Variants in ADD3 observed in about 807,000 individuals in gnomAD.
The protein encoded by ADD3 is gamma-adducin.
In ADD3, 25 loss-of-function variants were observed where a neutral mutation model predicts 80.2. The ratio of observed to expected loss-of-function variants is 0.31; its 90% CI spans 0.23 to 0.44. The LOEUF (loss-of-function observed/expected upper bound fraction) is 0.44. Ranked by LOEUF, ADD3 falls within the 20% of genes least tolerant of loss-of-function variation. The probability of loss-of-function intolerance (pLI) is 1.00; values close to 1 mark genes in which losing one functional copy is unlikely to be tolerated. For synonymous variants in ADD3, 284 were observed against 289.6 expected (o/e 0.98, Z 0.20); for missense variants, 829 against 847.5 (o/e 0.98, Z 0.27).
intron 1 of ADD3, among the ~76,000 whole-genome samples, chr10:110,092,251 A>G (rs184221526): frequency 6.6e-6 from 1 of 152,334 alleles, no homozygotes; most frequent in Admixed American, 6.5e-5. Context: ...ATTCTACCAA[A>G]AAGACACAAG....
At chr10:110,092,661 C>T (rs1456998054) in intron 1 of ADD3, among the ~76,000 whole-genome samples, 3 of 152,154 alleles carry the variant, frequency 2.0e-5, no homozygotes, top group African/African-American at 7.2e-5. Flanking sequence ...GTACTCCAAA[C>T]CCCAATGCCG....
At chr10:110,100,417 A>G (rs1040005084) in intron 1 of ADD3, among the ~76,000 whole-genome samples, 2 of 151,576 alleles carry the variant, frequency 1.3e-5, no homozygotes, top group Non-Finnish European at 2.9e-5. Context: ...AGTTTCTGTT[A>G]GCTCTGAAAA....
chr10:110,013,490 A>T (rs1281052231), intron 1 of ADD3, among the ~76,000 whole-genome samples: 1 of 152,136 alleles, frequency 6.6e-6, no homozygotes, highest in African/African-American at 2.4e-5. Context: ...ATTTCCCTCA[A>T]CCAGCTAGGA....
At chr10:110,112,257 A>T (rs1850133338) in intron 2 of ADD3, 1 of 152,586 alleles carries the variant, frequency 6.6e-6, no homozygotes, top group African/African-American at 2.4e-5. Flanking sequence ...AGTAGCTGGG[A>T]TTACAGGCAT....
intron 1 of ADD3, among the ~76,000 whole-genome samples, chr10:110,039,709 G>A (rs914804768): frequency 6.6e-6 from 1 of 152,200 alleles, no homozygotes; most frequent in Non-Finnish European, 1.5e-5. Context: ...AGCTTTGCTG[G>A]GTTCTGGCTC....
chr10:110,068,133 T>C (rs1844203071), intron 1 of ADD3, among the ~76,000 whole-genome samples: 1 of 152,196 alleles, frequency 6.6e-6, no homozygotes, highest in African/African-American at 2.4e-5. Flanking sequence ...CCACAGTTAC[T>C]TGATCCCCTT....
At chr10:110,085,965 C>T (rs1172378609) in intron 1 of ADD3, among the ~76,000 whole-genome samples, 1 of 151,942 alleles carries the variant, frequency 6.6e-6, no homozygotes, top group Admixed American at 6.6e-5. Flanking sequence ...ATTAGCTGGG[C>T]GTGGTGGTAC....
rs369694338 is a variant in ADD3 at position 110,090,392 on chromosome 10, TGTATTTTTA to T, written c.-29-10229_-29-10221del. ...GTATCACCACGCCCAGCTAATGTTTTGTATTTTTAGTAGAGGTGGGGTTTCACCATGTTG... is the reference window on the plus strand; with the variant it reads ...GTATCACCACGCCCAGCTAATGTTTTGTAGAGGTGGGGTTTCACCATGTTG... On this transcript the variant is annotated intron_variant, in intron 1 of 14. Coordinates refer to ENST00000356080, the MANE Select transcript of ADD3 (RefSeq NM_016824.5). 2.8e-3 allele frequency among the ~76,000 whole-genome samples: 420 copies of T among 152,170 alleles called. 2 individuals carry two copies. The highest frequency in any genetic ancestry group is 9.6e-3 in the African/African-American group (398 of 41,528).
chr10:110,071,193 T>C (rs1387606734), intron 1 of ADD3, among the ~76,000 whole-genome samples: 10 of 151,848 alleles, frequency 6.6e-5, no homozygotes, highest in African/African-American at 2.4e-4. Context: ...TGATGTCTCA[T>C]AGTTGGAAAA....
intron 1 of ADD3, among the ~76,000 whole-genome samples, chr10:110,070,599 C>A (rs936429539): frequency 2.6e-5 from 4 of 152,130 alleles, no homozygotes; most frequent in African/African-American, 4.8e-5. Flanking sequence ...AGAAGAAATA[C>A]ATTTACAGAC....
intron 1 of ADD3, among the ~76,000 whole-genome samples, chr10:110,077,979 G>A (rs1454624838): frequency 2.0e-5 from 3 of 152,186 alleles, no homozygotes; most frequent in South Asian, 4.1e-4. Flanking sequence ...TTTGGTGCAA[G>A]CAAACTGAAT....
chr10:110,009,922 T>C (rs1852133133), intron 1 of ADD3, among the ~76,000 whole-genome samples: 1 of 152,228 alleles, frequency 6.6e-6, no homozygotes, highest in Non-Finnish European at 1.5e-5. Flanking sequence ...TTGGTGAACA[T>C]TTGACATAGT....
intron 1 of ADD3, among the ~76,000 whole-genome samples, chr10:110,069,595 A>G (rs1187041093): frequency 2.0e-5 from 3 of 151,544 alleles, no homozygotes; most frequent in African/African-American, 7.3e-5. Context: ...CCTTGCTTAT[A>G]CTTGATGCTT....
chr10:110,122,357 A>G, intron 9 of ADD3, 65 bp downstream of exon 9: 1 of 1,454,662 alleles, frequency 6.9e-7, no homozygotes, highest in Non-Finnish European at 9.4e-7. Flanking sequence ...AGATGCTTCC[A>G]TTTTTGTAGA....
At chr10:110,012,359 A>G (rs891789628) in intron 1 of ADD3, among the ~76,000 whole-genome samples, 3 of 152,388 alleles carry the variant, frequency 2.0e-5, no homozygotes, top group Admixed American at 6.5e-5. Flanking sequence ...ATGTTAAGAA[A>G]GTACTGTTTA....
Position 110,132,366 on chromosome 10 carries a change from TCA to T in ADD3, c.1795_1796del (p.Gln599ValfsTer7). On this transcript the variant is annotated frameshift_variant, in exon 14 of 15. Transcript: ENST00000356080. LOFTEE classifies it high-confidence loss of function. ...CTGTTTCACAAATTCAGTCTCAAAC[TCA>T]GTCACCGCAAAATGTCCCTGAAAAA... Reference protein sequence around the residue: ...SSVSQIQSQTQSPQNVPEKLE... With the variant: ...SSVSQIQSQTXSPQNVPEKLE... 1 of 1,613,784 alleles carries T rather than the reference TCA, an allele frequency of 6.2e-7. No individual in the cohort carries two copies. Among genetic ancestry groups the T allele is most frequent in the Non-Finnish European group, 8.5e-7 (1 of 1,179,748 alleles).
At chr10:110,051,449 G>A (rs560242115) in intron 1 of ADD3, among the ~76,000 whole-genome samples, 8 of 152,222 alleles carry the variant, frequency 5.3e-5, no homozygotes, top group South Asian at 4.1e-4. Context: ...ATAAATATTT[G>A]CAAATAAGTA....
In ADD3 at chr10:110,123,387, T is replaced by C. The variant is rs575220038; in HGVS notation, c.1144-630T>C. 8.0e-4 allele frequency among the ~76,000 whole-genome samples: 120 copies of C among 150,192 alleles called. 1 individual carries two copies. The highest frequency in any genetic ancestry group is 2.9e-3 in the African/African-American group (116 of 39,444). On this transcript the variant is annotated intron_variant, in intron 9 of 14. Transcript: ENST00000356080. ...ACATTCTAACACTTGTTGTCTTTCA[T>C]CTTTTTTATAATAGCGATTCTAACA...
At chr10:110,121,637 C>G (rs749933233) in intron 8 of ADD3, among the ~76,000 whole-genome samples, 3 of 152,142 alleles carry the variant, frequency 2.0e-5, no homozygotes, top group Non-Finnish European at 4.4e-5. Context: ...CTTATTTTTG[C>G]TTTAATGGTT....
Sources: gnomAD v4.1 joint callset for allele counts (sites outside exome capture counted in the v4.1 genomes callset) on GRCh38, gnomAD v4.1.1 for gene constraint, MANE v1.5 for transcripts, NCBI Gene and HGNC (gene_info 2026-07-23, HGNC 2026-07-21) for gene names.